The following PARD3B variants were observed in gnomAD, a reference collection of about 807,000 sequenced individuals.
PARD3B encodes par-3 family cell polarity regulator beta.
Under a neutral mutation model 130.2 loss-of-function variants are expected in PARD3B, and 103 were observed. The ratio of observed to expected loss-of-function variants is 0.79; its 90% CI spans 0.67 to 0.93. The LOEUF is 0.93. Ranked by LOEUF, PARD3B falls within the 40% of genes least tolerant of loss-of-function variation. The probability of loss-of-function intolerance (pLI) is 0.00; values close to 1 mark genes in which losing one functional copy is unlikely to be tolerated. For synonymous variants in PARD3B, 583 were observed against 553.2 expected (o/e 1.05, Z -0.76); for missense variants, 1,609 against 1,499.2 (o/e 1.07, Z -1.21).
chr2:205,320,221 G>GAGGA (rs1420602858), intron 18 of PARD3B, among the ~76,000 whole-genome samples: 44 of 134,836 alleles, frequency 3.3e-4, no homozygotes, highest in Middle Eastern at 3.8e-3. Context: ...GGGTGGGGGG[G>GAGGA]AGGAAGGAAG....
chr2:204,595,799 A>T (rs2125099437), intron 1 of PARD3B, among the ~76,000 whole-genome samples: 1 of 152,348 alleles, frequency 6.6e-6, no homozygotes, highest in Admixed American at 6.5e-5. Context: ...TAATAAATTG[A>T]GCCTTGGTCA....
chr2:205,218,946 G>T (rs1344321153), intron 15 of PARD3B, among the ~76,000 whole-genome samples: 3 of 152,050 alleles, frequency 2.0e-5, no homozygotes, highest in Non-Finnish European at 4.4e-5. Context: ...TGGGTGTGGT[G>T]GCACGTGCCT....
At position 205,252,850 on chromosome 2, in the gene PARD3B, C is replaced by A. The variant is rs867685696; in HGVS notation, c.2185+7028C>A. Among the ~76,000 whole-genome samples, 934 of 101,120 alleles carry A rather than the reference C, an allele frequency of 9.2e-3. 34 individuals carry two copies. The highest frequency in any genetic ancestry group is 0.032 in the African/African-American group (862 of 27,344). 66.3% of individuals were successfully genotyped at this position (101,120 alleles called of 152,430 possible). On this transcript the variant is annotated intron_variant, in intron 16 of 22. Transcript: ENST00000406610. ...GGAACCTGAAGGGACCCCCCCCCCC[C>A]ACCAAAAAAAAAAAAAAAGGAGAGA...
At chr2:204,683,275 C>T (rs1468689888) in intron 1 of PARD3B, among the ~76,000 whole-genome samples, 1 of 152,094 alleles carries the variant, frequency 6.6e-6, no homozygotes, top group African/African-American at 2.4e-5. Flanking sequence ...ATGTGTACCA[C>T]AGTTACTTGT....
At chr2:204,777,584 A>G (rs1243547230) in intron 2 of PARD3B, among the ~76,000 whole-genome samples, 1 of 152,132 alleles carries the variant, frequency 6.6e-6, no homozygotes, top group Non-Finnish European at 1.5e-5. Flanking sequence ...CCTCAGCAAC[A>G]TAGTGAGACC....
chr2:205,284,505 G>A (rs568536927), intron 16 of PARD3B, among the ~76,000 whole-genome samples: 1 of 152,214 alleles, frequency 6.6e-6, no homozygotes, highest in African/African-American at 2.4e-5. Context: ...GGCCCCTTTT[G>A]ACCTGAAAGA....
chr2:205,393,450 T>C (rs886969243), intron 18 of PARD3B, among the ~76,000 whole-genome samples: 2 of 152,204 alleles, frequency 1.3e-5, no homozygotes, highest in Admixed American at 1.3e-4. Flanking sequence ...TGTCAGACTT[T>C]AATAGTAGCG....
At chr2:205,165,101 A>G (rs1249342574) in intron 11 of PARD3B, among the ~76,000 whole-genome samples, 1 of 152,208 alleles carries the variant, frequency 6.6e-6, no homozygotes, top group East Asian at 1.9e-4. Context: ...TTAGGCATTC[A>G]TGCAAATTAT....
chr2:205,038,467 T>G (rs1698168023), intron 3 of PARD3B, among the ~76,000 whole-genome samples: 1 of 152,306 alleles, frequency 6.6e-6, no homozygotes, highest in East Asian at 1.9e-4. Context: ...TGAGCAAATT[T>G]ATATTGTAAA....
chr2:204,760,604 C>A (rs1429166724), intron 2 of PARD3B, among the ~76,000 whole-genome samples: 1 of 152,006 alleles, frequency 6.6e-6, no homozygotes, highest in Non-Finnish European at 1.5e-5. Context: ...TACTTTGAGG[C>A]AAATACAGTT....
chr2:205,473,877 T>C lies in PARD3B; in HGVS notation c.3045-26019T>C, dbSNP rs2048936714. Among the ~76,000 whole-genome samples the C allele has an allele frequency of 6.6e-6, 1 of 150,852 alleles. No individual in the cohort carries two copies. Among genetic ancestry groups the C allele is most frequent in the Non-Finnish European group, 1.5e-5 (1 of 67,834 alleles). Reference sequence around the variant, plus strand: ...AACTTCACCCTGAGCTACCAAATTATACTTTTGCAAGCTTGATCTTCAACC... The same window carrying C: ...AACTTCACCCTGAGCTACCAAATTACACTTTTGCAAGCTTGATCTTCAACC... On this transcript the variant is annotated intron_variant, in intron 20 of 22. Transcript: ENST00000406610. The surrounding 1 kb of genome is among the most constrained non-coding windows in gnomAD (Gnocchi z 4.9).
chr2:204,933,105 G>T (rs1456841568), intron 2 of PARD3B, among the ~76,000 whole-genome samples: 1 of 152,080 alleles, frequency 6.6e-6, no homozygotes, highest in East Asian at 1.9e-4. Context: ...GTGTCTGTAG[G>T]GACAGTACTT....
In PARD3B at chr2:205,473,548, A is replaced by G. The variant is rs1055041917; in HGVS notation, c.3045-26348A>G. Among the ~76,000 whole-genome samples, 28 of 151,624 alleles carry G rather than the reference A, an allele frequency of 1.8e-4. No individual in the cohort carries two copies. The highest frequency in any genetic ancestry group is 5.6e-4 in the African/African-American group (23 of 41,348). On this transcript the variant is annotated intron_variant, in intron 20 of 22. Coordinates refer to ENST00000406610, the MANE Select transcript of PARD3B (RefSeq NM_001302769.2). The surrounding 1 kb of genome is among the most constrained non-coding windows in gnomAD (Gnocchi z 4.9). ...CACGTTTCACTCATTAATATGGGTG[A>G]TATCTTACATTGTTGGAAAGAGCTG...
At chr2:205,260,742 AT>A (rs985883408) in intron 16 of PARD3B, among the ~76,000 whole-genome samples, 1 of 151,974 alleles carries the variant, frequency 6.6e-6, no homozygotes. Context: ...GAATATGGTG[AT>A]TTTTTTTAAT....
At chr2:204,892,212 T>C (rs1473314136) in intron 2 of PARD3B, among the ~76,000 whole-genome samples, 2 of 152,130 alleles carry the variant, frequency 1.3e-5, no homozygotes, top group African/African-American at 2.4e-5. Flanking sequence ...AAAGCCATAG[T>C]CTGGAGTGTG....
intron 16 of PARD3B, among the ~76,000 whole-genome samples, chr2:205,294,819 G>C (rs1229721380): frequency 2.0e-5 from 3 of 152,110 alleles, no homozygotes; most frequent in African/African-American, 7.2e-5. Flanking sequence ...AATGACAGCA[G>C]ATAATGTAAA....
intron 20 of PARD3B, among the ~76,000 whole-genome samples, chr2:205,452,624 T>A (rs1207538777): frequency 6.6e-6 from 1 of 152,206 alleles, no homozygotes; most frequent in Non-Finnish European, 1.5e-5. Context: ...ATGCTAATAG[T>A]AACTGATATA....
chr2:204,889,374 A>G (rs949577227), intron 2 of PARD3B, among the ~76,000 whole-genome samples: 2 of 152,322 alleles, frequency 1.3e-5, no homozygotes, highest in South Asian at 4.1e-4. Context: ...ACTATATATA[A>G]AAGGGATGCT....
At chr2:205,005,751 AAAC>A (rs930772020) in intron 3 of PARD3B, among the ~76,000 whole-genome samples, 4 of 152,358 alleles carry the variant, frequency 2.6e-5, no homozygotes, top group Admixed American at 6.5e-5. Context: ...CAAAAATAAA[AAAC>A]AACAACTTAA....
Sources: gnomAD v4.1 joint callset for allele counts (sites outside exome capture counted in the v4.1 genomes callset) on GRCh38, gnomAD v4.1.1 for gene constraint, Gnocchi (gnomAD v3.1) non-coding constraint, MANE v1.5 for transcripts, NCBI Gene and HGNC (gene_info 2026-07-23, HGNC 2026-07-21) for gene names.